The following CACNB2 variants were observed in gnomAD, a reference collection of about 807,000 sequenced individuals.
CACNB2 encodes the protein voltage-dependent L-type calcium channel subunit beta-2.
CACNB2 carries 42 observed loss-of-function variants against 73.3 expected under a neutral mutation model. The ratio of observed to expected loss-of-function variants is 0.57; its 90% CI spans 0.45 to 0.74. The LOEUF is 0.74. CACNB2 is among the 30% of genes least tolerant of loss of function. CACNB2 has a pLI of 0.00. For missense variants in CACNB2, 940 were observed against 853.0 expected (o/e 1.10, Z -1.27); for synonymous variants, 348 against 310.3 (o/e 1.12, Z -1.28).
At chr10:18,232,838 G>A (rs375267941) in intron 2 of CACNB2, among the ~76,000 whole-genome samples, 5 of 152,106 alleles carry the variant, frequency 3.3e-5, no homozygotes, top group East Asian at 1.9e-4. Flanking sequence ...CTGTAATCCC[G>A]GCATTCTGGG....
intron 13 of CACNB2, among the ~76,000 whole-genome samples, chr10:18,538,777 G>GTT (rs2053859459): frequency 6.6e-6 from 1 of 152,126 alleles, no homozygotes; most frequent in South Asian, 2.1e-4. Context: ...GTATTAATGA[G>GTT]TTATTATATA....
intron 2 of CACNB2, among the ~76,000 whole-genome samples, chr10:18,291,292 TC>T (rs1300122959): frequency 6.6e-6 from 1 of 152,222 alleles, no homozygotes; most frequent in East Asian, 1.9e-4. Flanking sequence ...TCATTATTTT[TC>T]TTATTAGTAA....
At chr10:18,223,632 T>A (rs1229578763) in intron 2 of CACNB2, among the ~76,000 whole-genome samples, 1 of 152,142 alleles carries the variant, frequency 6.6e-6, no homozygotes, top group African/African-American at 2.4e-5. Context: ...AAAAATGAAA[T>A]TTTTCAGTAT....
At chr10:18,251,285 C>T (rs1354314881) in intron 2 of CACNB2, among the ~76,000 whole-genome samples, 1 of 151,788 alleles carries the variant, frequency 6.6e-6, no homozygotes, top group East Asian at 1.9e-4. Flanking sequence ...CACTCTGTCG[C>T]CCAGGCTGGA....
rs1158567836 is a variant in CACNB2 at position 18,162,296 on chromosome 10, C to G, written c.213+11321C>G. ...ATAAAGAGCCTCACTTAATGTTTCT[C>G]TCTGATAATTATAAGGAGAGCTGAA... On this transcript the variant is annotated intron_variant, in intron 2 of 13. Coordinates refer to ENST00000324631, the MANE Select transcript of CACNB2 (RefSeq NM_201596.3). Among the ~76,000 whole-genome samples, 5 of 152,168 alleles carry G rather than the reference C, an allele frequency of 3.3e-5. No individual in the cohort carries two copies. In the South Asian group the frequency reaches 1.0e-3, roughly 32 times the overall value.
chr10:18,140,938 T>A (rs545521279), intron 1 of CACNB2, 82 bp downstream of exon 1: 1 of 1,536,488 alleles, frequency 6.5e-7, no homozygotes, highest in Non-Finnish European at 8.8e-7. Context: ...GCGCCTCCAC[T>A]GCAGGGATCT....
chr10:18,507,840 T>C (rs990170917), intron 6 of CACNB2, among the ~76,000 whole-genome samples: 2 of 152,228 alleles, frequency 1.3e-5, no homozygotes, highest in African/African-American at 4.8e-5. Context: ...CAGTGACTGA[T>C]GTGCTTTAAG....
At chr10:18,374,678 G>A (rs532934910) in intron 2 of CACNB2, among the ~76,000 whole-genome samples, 29 of 152,284 alleles carry the variant, frequency 1.9e-4, no homozygotes, top group Middle Eastern at 3.4e-3. Context: ...CTCCACAGTA[G>A]TTCAACACTC....
In CACNB2 at chr10:18,341,568, G is replaced by A. The variant is rs185311761; in HGVS notation, c.214-60356G>A. ...AAAGACTTTATTATTATTTATTGGT[G>A]CCTTTTTAGGAAAGGATGAAAACAT... On this transcript the variant is annotated intron_variant, in intron 2 of 13. Coordinates refer to ENST00000324631, the MANE Select transcript of CACNB2 (RefSeq NM_201596.3). 1.2e-4 allele frequency among the ~76,000 whole-genome samples: 18 copies of A among 152,136 alleles called. No homozygotes were observed. The East Asian group carries it at 3.3e-3, about 28-fold the overall frequency.
At chr10:18,513,032 G>A (rs1312407991) in intron 6 of CACNB2, 1 of 160,950 alleles carries the variant, frequency 6.2e-6, no homozygotes. Flanking sequence ...CAGATGTGAT[G>A]TTTTCGCTGG....
rs538165306 is a variant in CACNB2 at position 18,350,191 on chromosome 10, G to A, written c.214-51733G>A. Among the ~76,000 whole-genome samples, 23 of 152,310 alleles carry A rather than the reference G, an allele frequency of 1.5e-4. 1 individual carries two copies. In the South Asian group the frequency reaches 4.6e-3, roughly 30 times the overall value. On this transcript the variant is annotated intron_variant, in intron 2 of 13. Coordinates refer to ENST00000324631, the MANE Select transcript of CACNB2 (RefSeq NM_201596.3). ...ACCCAGGAGATGGAGGTTGCAGTGA[G>A]CCGAGATTGTGCCATTGCACTCCAG... is the stretch of plus-strand genomic sequence containing the variant.
intron 11 of CACNB2, among the ~76,000 whole-genome samples, chr10:18,534,748 A>T (rs1316712474): frequency 6.6e-6 from 1 of 152,252 alleles, no homozygotes; most frequent in Non-Finnish European, 1.5e-5. Flanking sequence ...AACAAAGTAC[A>T]CACAAAGCTC....
At chr10:18,387,737 G>A (rs2043293831) in intron 2 of CACNB2, among the ~76,000 whole-genome samples, 1 of 151,692 alleles carries the variant, frequency 6.6e-6, no homozygotes, top group Non-Finnish European at 1.5e-5. Context: ...TGTCAGCATA[G>A]TCACCGAGCC....
At chr10:18,402,754 T>A (rs572139674) in intron 3 of CACNB2, among the ~76,000 whole-genome samples, 1 of 152,210 alleles carries the variant, frequency 6.6e-6, no homozygotes, top group Non-Finnish European at 1.5e-5. Context: ...TTCTAAAGCA[T>A]AGATTGTTCG....
intron 2 of CACNB2, among the ~76,000 whole-genome samples, chr10:18,370,370 T>G (rs2042527562): frequency 6.6e-6 from 1 of 152,138 alleles, no homozygotes; most frequent in Admixed American, 6.5e-5. Flanking sequence ...CTGGGTAGGC[T>G]CACTGCAGCT....
intron 2 of CACNB2, among the ~76,000 whole-genome samples, chr10:18,233,222 C>G (rs1305700953): frequency 6.6e-6 from 1 of 152,204 alleles, no homozygotes; most frequent in East Asian, 1.9e-4. Context: ...GCTCACCTGT[C>G]TCAAGATTTA....
At chr10:18,277,435 G>T (rs761207584) in intron 2 of CACNB2, among the ~76,000 whole-genome samples, 11 of 152,240 alleles carry the variant, frequency 7.2e-5, no homozygotes, top group Non-Finnish European at 1.2e-4. Flanking sequence ...CCCTTGTGGG[G>T]ACTTCAGTGA....
chr10:18,196,408 C>T (rs1172856187), intron 2 of CACNB2, among the ~76,000 whole-genome samples: 2 of 151,948 alleles, frequency 1.3e-5, no homozygotes, highest in East Asian at 3.9e-4. Context: ...CCTCCACCTC[C>T]TGGACTCAAG....
chr10:18,175,977 A>G (rs1225754859), intron 2 of CACNB2, among the ~76,000 whole-genome samples: 2 of 152,228 alleles, frequency 1.3e-5, no homozygotes, highest in Non-Finnish European at 2.9e-5. Flanking sequence ...ATACGTATTT[A>G]TGGTAGGAAC....
Sources: allele counts gnomAD v4.1 joint callset (sites outside exome capture counted in the v4.1 genomes callset), GRCh38; gene constraint gnomAD v4.1.1; transcripts MANE v1.5; gene names NCBI Gene and HGNC (gene_info 2026-07-23, HGNC 2026-07-21).